ACSM3: variants seen among roughly 807,000 people sequenced by gnomAD.
The protein encoded by ACSM3 is acyl-coenzyme A synthetase ACSM3, mitochondrial.
ACSM3 carries 61 observed loss-of-function variants against 74.1 expected under a neutral mutation model. The ratio of observed to expected loss-of-function variants is 0.82; its 90% CI spans 0.67 to 1.02. The LOEUF is 1.02. Among genes scored for constraint, ACSM3 ranks in the 50% least tolerant of loss-of-function variants. ACSM3 has a pLI of 0.00. For synonymous variants in ACSM3, 213 were observed against 241.5 expected, an observed-to-expected ratio of 0.88 and a Z score of 1.09; for missense variants, 660 against 697.0, an observed-to-expected ratio of 0.95 and a Z score of 0.60.
intron 1 of ACSM3, among the ~76,000 whole-genome samples, chr16:20,683,105 CT>C: frequency 6.6e-6 from 1 of 151,558 alleles, no homozygotes; most frequent in East Asian, 1.9e-4. Flanking sequence ...CTCTGAATTT[CT>C]TTTTTTCTTT....
chr16:20,759,271 A>G (rs917067179), upstream of ACSM3, among the ~76,000 whole-genome samples: 4 of 152,216 alleles, frequency 2.6e-5, no homozygotes, highest in African/African-American at 9.6e-5. Context: ...AAGAAACCCA[A>G]AAGGGGCTGG....
At chr16:20,706,705 G>GCT (rs1377315277) in intron 1 of ACSM3, among the ~76,000 whole-genome samples, 1 of 152,146 alleles carries the variant, frequency 6.6e-6, no homozygotes, top group Non-Finnish European at 1.5e-5. Context: ...TCTGCCTAGG[G>GCT]CTCTGACAGG....
At chr16:20,682,349 T>TC (rs1324906782) in intron 1 of ACSM3, 2 of 1,613,716 alleles carry the variant, frequency 1.2e-6, no homozygotes, top group Non-Finnish European at 1.7e-6. Context: ...AGCTATGGAG[T>TC]CCACCTCTGA....
At chr16:20,795,906 G>A (rs2080713350) in intron 12 of ACSM3, among the ~76,000 whole-genome samples, 3 of 152,344 alleles carry the variant, frequency 2.0e-5, no homozygotes, top group Admixed American at 2.0e-4. Flanking sequence ...ATTTGGAGAA[G>A]AGGATTTGTA....
chr16:20,753,272 C>G lies in ACSM3; in HGVS notation c.-95-2301C>G, dbSNP rs913054794. ...TGAGATCAGGAGTTTGAGACCAGCC[C>G]GGCCAACATGGTGAAACCCCGTCTC... On this transcript the variant is annotated intron_variant, in intron 2 of 3. Coordinates refer to the ACSM3 transcript ENST00000561584. Among the ~76,000 whole-genome samples, 37 of 151,434 alleles carry G rather than the reference C, an allele frequency of 2.4e-4. 1 individual carries two copies. Among genetic ancestry groups the G allele is most frequent in the Admixed American group, 2.4e-3 (37 of 15,184 alleles).
intron 1 of ACSM3, chr16:20,738,915 T>G: frequency 6.2e-7 from 1 of 1,614,224 alleles, no homozygotes; most frequent in Non-Finnish European, 8.5e-7. Flanking sequence ...AGTGTCCTGA[T>G]GAAGACAACG....
chr16:20,714,478 AG>A (rs1448615422), intron 1 of ACSM3, among the ~76,000 whole-genome samples: 2 of 152,212 alleles, frequency 1.3e-5, no homozygotes, highest in Non-Finnish European at 2.9e-5. Flanking sequence ...TAGTTTGAGG[AG>A]GACCAAACTG....
chr16:20,711,730 T>C (rs1214742006), intron 1 of ACSM3: 6 of 414,512 alleles, frequency 1.4e-5, no homozygotes, highest in Non-Finnish European at 2.8e-5. Context: ...ACACAAATTA[T>C]TGCTACATCT....
chr16:20,761,547 C>G (rs2080076951), upstream of ACSM3, among the ~76,000 whole-genome samples: 1 of 152,160 alleles, frequency 6.6e-6, no homozygotes, highest in African/African-American at 2.4e-5. Flanking sequence ...TGAAAACCCC[C>G]CACACGTCTA....
chr16:20,765,697 G>A (rs1202663736), intron 1 of ACSM3, among the ~76,000 whole-genome samples: 1 of 152,138 alleles, frequency 6.6e-6, no homozygotes, highest in African/African-American at 2.4e-5. Context: ...TATACCAAGT[G>A]TTCAATAAAT....
At chr16:20,779,450 G>T (rs1314839111) in intron 4 of ACSM3, among the ~76,000 whole-genome samples, 2 of 150,310 alleles carry the variant, frequency 1.3e-5, no homozygotes, top group Non-Finnish European at 3.0e-5. Flanking sequence ...GAAAAGAAAA[G>T]AAAAGAAAGA....
At chr16:20,777,312 T>G in intron 3 of ACSM3, 61 bp from the exon 4 acceptor site, 1 of 1,444,014 alleles carries the variant, frequency 6.9e-7, no homozygotes, top group Non-Finnish European at 9.6e-7. Flanking sequence ...GTATCTACAC[T>G]ACTCTAACAT....
At chr16:20,762,118 A>G (rs2152445482), upstream of ACSM3, among the ~76,000 whole-genome samples, 1 of 151,820 alleles carries the variant, frequency 6.6e-6, no homozygotes, top group South Asian at 2.1e-4. Context: ...TTTCTAATAA[A>G]CTCTCACTCC....
intron 12 of ACSM3, among the ~76,000 whole-genome samples, chr16:20,794,591 G>T (rs886760465): frequency 6.6e-6 from 1 of 152,154 alleles, no homozygotes; most frequent in Non-Finnish European, 1.5e-5. Flanking sequence ...ATTTTGCATA[G>T]AATTTCATAG....
chr16:20,724,229 C>T (rs377225379), intron 1 of ACSM3, among the ~76,000 whole-genome samples: 3 of 152,006 alleles, frequency 2.0e-5, no homozygotes, highest in African/African-American at 4.8e-5. Flanking sequence ...GTTCAACATA[C>T]GAAAATCAAT....
intron 1 of ACSM3, among the ~76,000 whole-genome samples, chr16:20,706,148 T>C (rs1233782886): frequency 6.6e-6 from 1 of 151,700 alleles, no homozygotes; most frequent in Non-Finnish European, 1.5e-5. Context: ...GAAAAAATAT[T>C]TTAAGAAATA....
At chr16:20,786,212 T>C in intron 9 of ACSM3, 54 bp downstream of exon 9, 1 of 1,584,156 alleles carries the variant, frequency 6.3e-7, no homozygotes, top group Non-Finnish European at 8.6e-7. Context: ...GTACACTACC[T>C]ACCTACCGCT....
Position 20,797,312 on chromosome 16 carries a change from A to T in ACSM3, c.*340A>T, listed in dbSNP as rs2080741303. The T allele has an allele frequency of 2.9e-6, 3 of 1,025,864 alleles. No individual in the cohort carries two copies. Among genetic ancestry groups the T allele is most frequent in the East Asian group, 1.9e-4 (2 of 10,716 alleles). 63.5% of individuals were successfully genotyped at this position (1,025,864 alleles called of 1,614,324 possible). A position where few individuals can be genotyped will look rare whatever the true frequency, so the allele number is the denominator to read the frequency against. On this transcript the variant is annotated 3_prime_UTR_variant, in exon 14 of 14. Coordinates refer to ENST00000289416, the MANE Select transcript of ACSM3 (RefSeq NM_005622.4). ...GTTGACTAATTCTTCTGATATGTTG[A>T]TATACAAATCAGAACCAATGTTCAA...
At chr16:20,794,296 T>G (rs1211485786) in intron 12 of ACSM3, among the ~76,000 whole-genome samples, 2 of 152,208 alleles carry the variant, frequency 1.3e-5, no homozygotes, top group African/African-American at 2.4e-5. Flanking sequence ...GGAATATGTG[T>G]CTAGATCACT....
Sources: gnomAD v4.1 joint callset for allele counts (sites outside exome capture counted in the v4.1 genomes callset) on GRCh38, gnomAD v4.1.1 for gene constraint, MANE v1.5 for transcripts, NCBI Gene and HGNC (gene_info 2026-07-23, HGNC 2026-07-21) for gene names.